The following CMYA5 variants were observed in gnomAD, a reference collection of about 807,000 sequenced individuals.
CMYA5 encodes cardiomyopathy-associated protein 5.
A neutral mutation model predicts 318.9 loss-of-function variants in CMYA5; 246 were observed. The observed-to-expected ratio is 0.77, with a 90% CI of 0.70 to 0.86. The LOEUF is 0.86. Among genes scored for constraint, CMYA5 ranks in the 40% least tolerant of loss-of-function variants. The pLI is 0.00. For synonymous variants in CMYA5, 1,641 were observed against 1,729.5 expected (o/e 0.95, Z 1.27); for missense variants, 4,589 against 4,678.2 (o/e 0.98, Z 0.56).
intron 10 of CMYA5, among the ~76,000 whole-genome samples, chr5:79,789,468 A>C (rs944420921): frequency 7.4e-4 from 112 of 151,640 alleles, no homozygotes; most frequent in African/African-American, 2.5e-3. Context: ...TCTGTCGCCT[A>C]GGCTAGAGTG....
intron 6 of CMYA5, among the ~76,000 whole-genome samples, chr5:79,756,573 C>T (rs918831556): frequency 1.3e-5 from 2 of 152,174 alleles, no homozygotes; most frequent in Admixed American, 6.5e-5. Context: ...GGTGTTTAAC[C>T]TTGGGCCAGC....
intron 7 of CMYA5, among the ~76,000 whole-genome samples, chr5:79,760,518 A>G (rs4704586): frequency 0.053 from 8,085 of 152,270 alleles, 419 homozygotes; most frequent in East Asian, 0.29. Flanking sequence ...AGGAGACAGA[A>G]TCATGGCAGA....
intron 9 of CMYA5, among the ~76,000 whole-genome samples, chr5:79,769,357 C>T (rs952930375): frequency 3.3e-5 from 5 of 151,968 alleles, no homozygotes; most frequent in African/African-American, 1.2e-4. Flanking sequence ...GACTTATGAT[C>T]CTTTAAAGGA....
rs761754719 is a variant in CMYA5, at chr5:79,736,604, G to A, written c.7839G>A (p.Lys2613=). ...CTCACCCAGAAATCAGAGAAGCAAA[G>A]GCAGTAGGAACCCAACCACATCCTT... is the stretch of plus-strand genomic sequence containing the variant. The part of the protein sequence containing the change: ...AEAHPEIREA[K]AVGTQPHPLE... The change falls in exon 2 of 13, where the codon AAG becomes AAA. Residue 2613 remains lysine, a synonymous_variant. Coordinates refer to ENST00000446378, the MANE Select transcript of CMYA5 (RefSeq NM_153610.5). 1.2e-5 allele frequency: 19 copies of A among 1,613,690 alleles called. No homozygotes were observed. The highest frequency in any genetic ancestry group is 2.2e-5 in the South Asian group (2 of 91,080).
At chr5:79,756,695 C>G (rs1828536991) in intron 6 of CMYA5, among the ~76,000 whole-genome samples, 1 of 152,090 alleles carries the variant, frequency 6.6e-6, no homozygotes, top group African/African-American at 2.4e-5. Context: ...CAGTTTGTCT[C>G]TTTTTGCTAC....
At position 79,752,680 on chromosome 5, in the gene CMYA5, C is replaced by G; in HGVS notation, c.10996C>G (p.Leu3666Val). The G allele has an allele frequency of 1.9e-6, 3 of 1,610,518 alleles. No homozygotes were observed. Among genetic ancestry groups the G allele is most frequent in the Non-Finnish European group, 2.5e-6 (3 of 1,177,518 alleles). ...TAGAGCTCTATTCCCCGATAGGTTG[C>G]TTTCTGCAATGGAGAGCACTGCTTC... is the stretch of plus-strand genomic sequence containing the variant. ...TSFEEINERL[L>V]SAMESTASLE... is the part of the protein sequence containing the mutation. Residue 3666 changes from leucine (L) to valine (V), a missense_variant, in exon 6 of 13, where the codon CTT becomes GTT. By Grantham distance (32) the Leu-to-Val change is conservative. Coordinates refer to ENST00000446378, the MANE Select transcript of CMYA5 (RefSeq NM_153610.5).
At position 79,736,722 on chromosome 5, in the gene CMYA5, C is replaced by T; in HGVS notation, c.7957C>T (p.Gln2653Ter). ...RDEIENHSLS[Q>*]EGNLVLEKSS... Reference sequence around the variant, plus strand: ...TGAAATAGAGAACCACTCTTTATCTCAGGAAGGAAATCTAGTATTAGAAAA... The same window carrying T: ...TGAAATAGAGAACCACTCTTTATCTTAGGAAGGAAATCTAGTATTAGAAAA... Residue 2653 changes from glutamine to a stop codon, truncating the protein, a stop_gained, in exon 2 of 13, where the codon CAG becomes TAG. Coordinates refer to ENST00000446378, the MANE Select transcript of CMYA5 (RefSeq NM_153610.5). LOFTEE classifies it high-confidence loss of function. 6.2e-7 allele frequency: 1 copy of T among 1,612,794 alleles called. No homozygotes were observed. Among genetic ancestry groups the T allele is most frequent in the Non-Finnish European group, 8.5e-7 (1 of 1,179,666 alleles).
rs1321693120 is a variant in CMYA5, at chr5:79,738,986, A to G, written c.10221A>G (p.Pro3407=). The change falls in exon 2 of 13, where the codon CCA becomes CCG. Residue 3407 remains proline (P), a synonymous_variant. Transcript: ENST00000446378. Reference sequence around the variant, plus strand: ...CTAAAATCCTGGTCCCACCTGAGCCAAGTGAAGAGAGGCTCCGTAATAGCC... The same window carrying G: ...CTAAAATCCTGGTCCCACCTGAGCCGAGTGAAGAGAGGCTCCGTAATAGCC... ...EEPKILVPPE[P]SEERLRNSPV... 4 of 1,613,792 alleles carry G rather than the reference A, an allele frequency of 2.5e-6. No homozygotes were observed. Among genetic ancestry groups the G allele is most frequent in the East Asian group, 4.5e-5 (2 of 44,884 alleles).
At position 79,733,906 on chromosome 5, in the gene CMYA5, A is replaced by G. The variant is rs575175553; in HGVS notation, c.5141A>G (p.Lys1714Arg). The change falls in exon 2 of 13, where the codon AAA (lysine) becomes AGA (arginine). Residue 1714 changes from lysine (K) to arginine (R), a missense_variant. Lys to Arg is a conservative substitution (Grantham distance 26, BLOSUM62 2). Around this residue, in one of 3 missense-constraint regions of CMYA5, gnomAD observed 2,132 missense variants for 2,131.3 expected, o/e 1.00. Coordinates refer to ENST00000446378, the MANE Select transcript of CMYA5 (RefSeq NM_153610.5). ...GAGGAATCTCAGAATGAAGAAATTA[A>G]ACCTTTCTCTCCCAAGATCATCAGC... ...LREESQNEEI[K>R]PFSPKIISLE... is the part of the protein sequence containing the mutation. The G allele has an allele frequency of 1.1e-5, 17 of 1,613,116 alleles. 2 individuals carry two copies. The African/African-American group carries it at 1.1e-4, about 10-fold the overall frequency.
intron 1 of CMYA5, 113 bp from the exon 2 acceptor site, chr5:79,728,802 C>A: frequency 2.1e-6 from 1 of 469,022 alleles, no homozygotes; most frequent in Non-Finnish European, 3.2e-6. Flanking sequence ...ATATTGATGT[C>A]TGTATTTTAA....
rs1233376259 is a variant in CMYA5 at position 79,800,064 on chromosome 5, T to A, written c.*448T>A. ...ACTAAAGGATGATGAATCCTAATCA[T>A]TAAAGGAATTGTTTCAGCTGATTTA... On this transcript the variant is annotated 3_prime_UTR_variant, in exon 13 of 13. Transcript: ENST00000446378. 6.4e-6 allele frequency: 1 copy of A among 155,164 alleles called. No individual in the cohort carries two copies. The allele number at this position is 155,164 out of a possible 1,614,324, so 9.6% of individuals were successfully genotyped here.
chr5:79,750,005 TG>T (rs1364840418), intron 5 of CMYA5, among the ~76,000 whole-genome samples: 16 of 126,730 alleles, frequency 1.3e-4, no homozygotes, highest in Non-Finnish European at 7.7e-5. Context: ...CTAAGGTTTT[TG>T]CCTATTTTTT....
chr5:79,720,428 A>ATTTTTTT (rs1159659122), intron 1 of CMYA5, among the ~76,000 whole-genome samples: 2 of 44,812 alleles, frequency 4.5e-5, no homozygotes, highest in African/African-American at 1.8e-4. Context: ...TGCCAATCTA[A>ATTTTTTT]TTTTTTTTTT....
At position 79,738,075 on chromosome 5, in the gene CMYA5, C is replaced by T; in HGVS notation, c.9310C>T (p.His3104Tyr). The change falls in exon 2 of 13, where the codon CAT becomes TAT. Residue 3104 changes from histidine to tyrosine, a missense_variant. Around this residue, in one of 3 missense-constraint regions of CMYA5, gnomAD observed 2,431 missense variants for 2,495.1 expected, o/e 0.97. Transcript: ENST00000446378. The stretch of plus-strand genomic sequence containing the variant: ...AAGTTCAGTGGAAAGTGCACTAGAA[C>T]ATGAATATGACTTGGTGAAATTAGA... ...PVSSVESALEHEYDLVKLDES... is the reference protein window; with the variant it reads ...PVSSVESALEYEYDLVKLDES... 2.5e-6 allele frequency: 4 copies of T among 1,613,440 alleles called. No homozygotes were observed. Among genetic ancestry groups the T allele is most frequent in the Non-Finnish European group, 3.4e-6 (4 of 1,179,718 alleles).
chr5:79,797,630 C>A (rs1340473926), intron 12 of CMYA5, among the ~76,000 whole-genome samples: 1 of 152,210 alleles, frequency 6.6e-6, no homozygotes, highest in Admixed American at 6.5e-5. Context: ...ATCTCCACAT[C>A]TGAGTATCTC....
chr5:79,752,354 A>G (rs1227681393), intron 5 of CMYA5, among the ~76,000 whole-genome samples: 1 of 152,216 alleles, frequency 6.6e-6, no homozygotes, highest in Non-Finnish European at 1.5e-5. Flanking sequence ...CCCTTTAGGA[A>G]ATAAAGAAAA....
Position 79,730,524 on chromosome 5 carries a change from T to C in CMYA5, c.1759T>C (p.Ser587Pro), listed in dbSNP as rs896420968. ...LSEEEREEIA[S>P]VSTGSAFVSE... ...TGAGGAAGAAAGAGAGGAAATTGCA[T>C]CTGTTTCTACTGGTTCTGCTTTTGT... Residue 587 changes from serine to proline, a missense_variant, in exon 2 of 13, where the codon TCT becomes CCT. Physicochemically the swap from Ser to Pro is moderately conservative, Grantham distance 74 (BLOSUM62 -1). Transcript: ENST00000446378. 3.4e-5 allele frequency: 55 copies of C among 1,613,858 alleles called. No individual in the cohort carries two copies. The highest frequency in any genetic ancestry group is 4.6e-5 in the Non-Finnish European group (54 of 1,179,890).
At chr5:79,742,323 A>G (rs1272265672) in intron 2 of CMYA5, among the ~76,000 whole-genome samples, 1 of 151,834 alleles carries the variant, frequency 6.6e-6, no homozygotes, top group Non-Finnish European at 1.5e-5. Context: ...ACTAGCTGGG[A>G]CTAGAGACAC....
chr5:79,734,190 C>A lies in CMYA5; in HGVS notation c.5425C>A (p.Pro1809Thr), dbSNP rs1827993086. ...CCAGGTACTCCAGAGTATAACAGAA[C>A]CATCAAAGATTGCTCCTTCTGACCT... is the stretch of plus-strand genomic sequence containing the variant. ...SSQVLQSITE[P>T]SKIAPSDLLV... Residue 1809 changes from proline to threonine, a missense_variant, in exon 2 of 13, where the codon CCA (proline) becomes ACA (threonine). Pro to Thr is a conservative substitution (Grantham distance 38, BLOSUM62 -1). This residue lies in a region of CMYA5 where 2,132 missense variants were observed against 2,131.3 expected (regional missense o/e 1.00). Transcript: ENST00000446378. 6.2e-7 allele frequency: 1 copy of A among 1,613,760 alleles called. No homozygotes were observed. Among genetic ancestry groups the A allele is most frequent in the South Asian group, 1.1e-5 (1 of 91,064 alleles).
Sources: gnomAD v4.1 joint callset for allele counts (sites outside exome capture counted in the v4.1 genomes callset) on GRCh38, gnomAD v4.1.1 for gene constraint, gnomAD v4.1.1 regional missense constraint, MANE v1.5 for transcripts, NCBI Gene and HGNC (gene_info 2026-07-23, HGNC 2026-07-21) for gene names.